RALGPS1: variants seen among roughly 807,000 people sequenced by gnomAD.
RALGPS1 encodes ras-specific guanine nucleotide-releasing factor RalGPS1.
RALGPS1 carries 19 observed loss-of-function variants against 78.8 expected under a neutral mutation model. The ratio of observed to expected loss-of-function variants is 0.24; its 90% CI spans 0.17 to 0.35. The LOEUF is 0.35. Ranked by LOEUF, RALGPS1 falls within the 10% of genes least tolerant of loss-of-function variation. The pLI is 1.00. For synonymous variants in RALGPS1, 228 were observed against 256.3 expected, an observed-to-expected ratio of 0.89 and a Z score of 1.06; for missense variants, 454 against 688.3, an observed-to-expected ratio of 0.66 and a Z score of 3.81.
chr9:126,967,536 T>C (rs1024965955), intron 3 of RALGPS1, among the ~76,000 whole-genome samples: 1 of 148,104 alleles, frequency 6.8e-6, no homozygotes, highest in African/African-American at 2.4e-5. Context: ...CATTACATTA[T>C]AGAATAATTT....
intron 1 of RALGPS1, among the ~76,000 whole-genome samples, chr9:126,948,155 G>C (rs1016744634): frequency 1.3e-5 from 2 of 152,100 alleles, no homozygotes; most frequent in Admixed American, 6.5e-5. Flanking sequence ...GAGCAGACTT[G>C]CCTTTTATAT....
At chr9:127,096,302 G>A (rs1383642979) in intron 8 of RALGPS1, among the ~76,000 whole-genome samples, 6 of 152,244 alleles carry the variant, frequency 3.9e-5, no homozygotes, top group African/African-American at 1.2e-4. Flanking sequence ...GGAGCAGAGC[G>A]CCGGTGGGCG....
Position 127,091,819 on chromosome 9 carries a change from A to G in RALGPS1, c.610+22463A>G, listed in dbSNP as rs2052514937. On this transcript the variant is annotated intron_variant, in intron 8 of 18. Transcript: ENST00000259351. The surrounding 1 kb of genome is among the most constrained non-coding windows in gnomAD (Gnocchi z 4.3). ...CAGGCGGAAACTGGCGTATTCTGCA[A>G]AGACTTTGCGGCCGGACCAGTCCTC... 1 of 1,614,182 alleles carries G rather than the reference A, an allele frequency of 6.2e-7. No homozygotes were observed. The highest frequency in any genetic ancestry group is 1.1e-5 in the South Asian group (1 of 91,076).
At chr9:127,126,569 G>GT (rs556512270) in intron 8 of RALGPS1, among the ~76,000 whole-genome samples, 69 of 152,304 alleles carry the variant, frequency 4.5e-4, no homozygotes, top group African/African-American at 1.6e-3. Flanking sequence ...TCATGCTTCA[G>GT]TTTGGATCAC....
intron 11 of RALGPS1, chr9:127,184,322 G>GAAAA: frequency 4.2e-5 from 9 of 216,538 alleles, no homozygotes; most frequent in Non-Finnish European, 6.4e-5. Context: ...CTTGTCTCAG[G>GAAAA]AAAAAAAAAA....
At chr9:126,926,367 G>A in intron 1 of RALGPS1, among the ~76,000 whole-genome samples, 1 of 152,226 alleles carries the variant, frequency 6.6e-6, no homozygotes, top group Middle Eastern at 3.2e-3. Flanking sequence ...GGAAGCTCAT[G>A]GGACCGAGTA....
intron 4 of RALGPS1, among the ~76,000 whole-genome samples, chr9:126,985,214 T>C (rs991898218): frequency 1.3e-5 from 2 of 152,210 alleles, no homozygotes; most frequent in East Asian, 3.9e-4. Flanking sequence ...TTCCATGATG[T>C]ATCGGTAACT....
intron 8 of RALGPS1, among the ~76,000 whole-genome samples, chr9:127,082,816 G>A (rs983108402): frequency 1.3e-5 from 2 of 152,112 alleles, no homozygotes; most frequent in Admixed American, 1.3e-4. Context: ...TATAGATGAT[G>A]GCTAGTATTA....
At chr9:127,051,125 A>G (rs2048275446) in intron 6 of RALGPS1, among the ~76,000 whole-genome samples, 1 of 152,208 alleles carries the variant, frequency 6.6e-6, no homozygotes, top group African/African-American at 2.4e-5. Context: ...TATTTATGTT[A>G]AGAGCAATGG....
intron 7 of RALGPS1, among the ~76,000 whole-genome samples, chr9:127,053,548 A>G (rs898100294): frequency 2.0e-5 from 3 of 152,080 alleles, no homozygotes; most frequent in African/African-American, 7.2e-5. Context: ...AGTAATTGCT[A>G]TTTCCATAGC....
At chr9:127,107,784 G>T in intron 8 of RALGPS1, 2 of 919,460 alleles carry the variant, frequency 2.2e-6, no homozygotes, top group Non-Finnish European at 1.6e-6. Flanking sequence ...CCAAGGGATT[G>T]CTGGGGGATT....
chr9:127,004,293 C>T lies in RALGPS1; in HGVS notation c.216+26548C>T, dbSNP rs959110098. Among the ~76,000 whole-genome samples, 4 of 152,076 alleles carry T rather than the reference C, an allele frequency of 2.6e-5. No homozygotes were observed. In the East Asian group the frequency reaches 7.7e-4, roughly 29 times the overall value. On this transcript the variant is annotated intron_variant, in intron 4 of 18. Transcript: ENST00000259351. ...CCCAAGCAGCTGGGATTACAGGCAC[C>T]CGCCACCACACCCGGCCAATTTTTG...
At chr9:126,948,688 TG>T (rs2037510382) in intron 1 of RALGPS1, among the ~76,000 whole-genome samples, 1 of 152,172 alleles carries the variant, frequency 6.6e-6, no homozygotes, top group Admixed American at 6.5e-5. Flanking sequence ...CGCTTGAGAA[TG>T]CCTGTCACAG....
chr9:126,994,920 C>T (rs996835349), intron 4 of RALGPS1, among the ~76,000 whole-genome samples: 3 of 152,120 alleles, frequency 2.0e-5, no homozygotes, highest in Non-Finnish European at 4.4e-5. Context: ...ATTTCATATC[C>T]AGCCAAACTA....
intron 8 of RALGPS1, among the ~76,000 whole-genome samples, chr9:127,085,363 A>G (rs1223339352): frequency 1.3e-5 from 2 of 152,176 alleles, no homozygotes; most frequent in Non-Finnish European, 2.9e-5. Context: ...TTAAAAGGTC[A>G]CTGATGGGAT....
intron 8 of RALGPS1, among the ~76,000 whole-genome samples, chr9:127,080,902 C>G (rs1217769608): frequency 6.6e-6 from 1 of 152,198 alleles, no homozygotes; most frequent in Non-Finnish European, 1.5e-5. Context: ...ATTCCAAAAT[C>G]TGAAAAAGTC....
intron 8 of RALGPS1, chr9:127,079,502 A>T (rs1310980684): frequency 6.6e-6 from 1 of 152,210 alleles, no homozygotes; most frequent in Non-Finnish European, 1.5e-5. Context: ...ATATGACAGA[A>T]ATAATGGGAT....
intron 11 of RALGPS1, among the ~76,000 whole-genome samples, chr9:127,176,220 T>C (rs1331369064): frequency 6.6e-6 from 1 of 152,190 alleles, no homozygotes; most frequent in Non-Finnish European, 1.5e-5. Flanking sequence ...AGTATTAAAA[T>C]ATCTCTTGCA....
intron 8 of RALGPS1, among the ~76,000 whole-genome samples, chr9:127,134,003 C>T (rs917379472): frequency 8.7e-5 from 11 of 127,034 alleles, no homozygotes; most frequent in African/African-American, 1.5e-4. Context: ...CTCTTGTCCT[C>T]GCTCCCCCCC....
Sources: allele counts gnomAD v4.1 joint callset (sites outside exome capture counted in the v4.1 genomes callset), GRCh38; gene constraint gnomAD v4.1.1; non-coding constraint Gnocchi (gnomAD v3.1); transcripts MANE v1.5; gene names NCBI Gene and HGNC (gene_info 2026-07-23, HGNC 2026-07-21).